Variants in CACNA2D3 observed in about 807,000 individuals in gnomAD.
The protein encoded by CACNA2D3 is calcium voltage-gated channel auxiliary subunit alpha2delta 3.
Under a neutral mutation model 160.6 loss-of-function variants are expected in CACNA2D3, and 60 were observed. That is an observed-to-expected ratio of 0.37 (90% CI 0.30 to 0.46). CACNA2D3 has a LOEUF of 0.46. Ranked by LOEUF, CACNA2D3 falls within the 20% of genes least tolerant of loss-of-function variation. The pLI is 1.00. For synonymous variants in CACNA2D3, 558 were observed against 492.9 expected (o/e 1.13, Z -1.75); for missense variants, 1,205 against 1,365.0 (o/e 0.88, Z 1.85).
intron 5 of CACNA2D3, among the ~76,000 whole-genome samples, chr3:54,541,146 G>A (rs1368360592): frequency 2.6e-5 from 4 of 151,514 alleles, no homozygotes; most frequent in South Asian, 2.1e-4. Flanking sequence ...GCGTGGTGGC[G>A]GGCGCCTGTA....
intron 5 of CACNA2D3, among the ~76,000 whole-genome samples, chr3:54,509,648 G>A (rs1320291943): frequency 6.6e-6 from 1 of 152,114 alleles, no homozygotes; most frequent in African/African-American, 2.4e-5. Context: ...TTCCCAAGAT[G>A]TAGTTTGGAT....
chr3:54,665,545 ATAC>A (rs10554350), intron 11 of CACNA2D3, among the ~76,000 whole-genome samples: 138,999 of 151,914 alleles, frequency 0.91, 63,852 homozygotes, highest in African/African-American at 0.94. Flanking sequence ...TCAGCTCCAT[ATAC>A]TACTGTGTAA....
At chr3:55,068,127 A>G (rs930635777) in intron 35 of CACNA2D3, among the ~76,000 whole-genome samples, 2 of 152,196 alleles carry the variant, frequency 1.3e-5, no homozygotes, top group African/African-American at 4.8e-5. Context: ...AACAGGGCCT[A>G]AGCAGGCAGA....
At chr3:54,296,522 G>A (rs1054953003) in intron 2 of CACNA2D3, among the ~76,000 whole-genome samples, 2 of 152,178 alleles carry the variant, frequency 1.3e-5, no homozygotes, top group African/African-American at 4.8e-5. Flanking sequence ...CATCAAAACA[G>A]CATTTAAGTG....
At chr3:54,542,130 CG>C (rs2106665772) in intron 5 of CACNA2D3, among the ~76,000 whole-genome samples, 1 of 151,926 alleles carries the variant, frequency 6.6e-6, no homozygotes, top group South Asian at 2.1e-4. Flanking sequence ...GGCGTGATCT[CG>C]GCTCGCTGCA....
chr3:54,836,722 G>A (rs1698699027), intron 14 of CACNA2D3, among the ~76,000 whole-genome samples: 1 of 152,166 alleles, frequency 6.6e-6, no homozygotes, highest in Admixed American at 6.5e-5. Flanking sequence ...TCCAGATTCT[G>A]TTGTTTTTAG....
chr3:54,492,545 A>G (rs770596442), intron 4 of CACNA2D3, among the ~76,000 whole-genome samples: 8 of 152,278 alleles, frequency 5.3e-5, no homozygotes, highest in Middle Eastern at 3.4e-3. Flanking sequence ...TGTGAAGGCA[A>G]TTTTGTGGAG....
intron 24 of CACNA2D3, 84 bp from the exon 25 acceptor site, chr3:54,891,271 A>AAACATTCTGTGAGTCTTAAAATGC: frequency 1.1e-6 from 1 of 898,908 alleles, no homozygotes. Flanking sequence ...TATTTGGTAA[A>AAACATTCTGTGAGTCTTAAAATGC]AACATTCTGT....
At chr3:54,625,978 C>T (rs964101627) in intron 9 of CACNA2D3, among the ~76,000 whole-genome samples, 4 of 152,018 alleles carry the variant, frequency 2.6e-5, no homozygotes, top group Non-Finnish European at 5.9e-5. Flanking sequence ...GGTGTTAGGG[C>T]GTGGTAAGAG....
intron 3 of CACNA2D3, among the ~76,000 whole-genome samples, chr3:54,361,211 G>A (rs369085222): frequency 1.3e-5 from 2 of 151,524 alleles, no homozygotes; most frequent in South Asian, 2.1e-4. Context: ...CAGCATACCA[G>A]ATAGGTGGTC....
chr3:54,973,603 C>T (rs894392885), intron 29 of CACNA2D3, among the ~76,000 whole-genome samples: 5 of 152,090 alleles, frequency 3.3e-5, no homozygotes, highest in African/African-American at 7.2e-5. Context: ...GACAGGGCAA[C>T]GAGAAGGGCT....
intron 2 of CACNA2D3, among the ~76,000 whole-genome samples, chr3:54,155,160 G>T (rs898583155): frequency 5.9e-5 from 9 of 152,184 alleles, no homozygotes; most frequent in African/African-American, 2.2e-4. Flanking sequence ...ATAGTGGTCA[G>T]GGTTTAGTGG....
intron 4 of CACNA2D3, among the ~76,000 whole-genome samples, chr3:54,473,679 A>G (rs1700776992): frequency 3.3e-5 from 5 of 152,222 alleles, no homozygotes; most frequent in Admixed American, 3.3e-4. Flanking sequence ...ACATAAACAA[A>G]TTTACAAGGA....
Position 54,924,731 on chromosome 3 carries a change from C to A in CACNA2D3, c.2449+24863C>A. 4 of 1,614,100 alleles carry A rather than the reference C, an allele frequency of 2.5e-6. No individual in the cohort carries two copies. The East Asian group carries it at 8.9e-5, about 36-fold the overall frequency. ...TCACACTGGGCATGGATTCCAGGAG[C>A]GCTCGATCAAGCTGCTGAAGCTGGT... On this transcript the variant is annotated intron_variant, in intron 27 of 37. Coordinates refer to ENST00000474759, the MANE Select transcript of CACNA2D3 (RefSeq NM_018398.3).
At chr3:54,794,091 G>A (rs566162911) in intron 13 of CACNA2D3, among the ~76,000 whole-genome samples, 1 of 152,118 alleles carries the variant, frequency 6.6e-6, no homozygotes, top group Admixed American at 6.5e-5. Context: ...ATATATAAGA[G>A]CAAATTTTAT....
chr3:54,276,635 T>G (rs1349082166), intron 2 of CACNA2D3, among the ~76,000 whole-genome samples: 1 of 151,426 alleles, frequency 6.6e-6, no homozygotes, highest in Non-Finnish European at 1.5e-5. Flanking sequence ...CCATGCTGAT[T>G]GTACAAGAGA....
At chr3:54,508,323 C>G (rs544098491) in intron 5 of CACNA2D3, among the ~76,000 whole-genome samples, 1 of 152,256 alleles carries the variant, frequency 6.6e-6, no homozygotes, top group South Asian at 2.1e-4. Flanking sequence ...CCCACTCACA[C>G]TGAAGAAGAG....
chr3:54,596,329 T>C (rs1282907987), intron 9 of CACNA2D3, among the ~76,000 whole-genome samples: 2 of 152,194 alleles, frequency 1.3e-5, no homozygotes, highest in African/African-American at 4.8e-5. Flanking sequence ...CTCCAGTGCA[T>C]GTGCTTCCAC....
chr3:55,057,725 T>G (rs17054733), intron 35 of CACNA2D3, among the ~76,000 whole-genome samples: 4,613 of 152,304 alleles, frequency 0.03, 239 homozygotes, highest in African/African-American at 0.1. Flanking sequence ...TCTGAACCAG[T>G]TGGCTTTCTG....
Sources: gnomAD v4.1 joint callset for allele counts (sites outside exome capture counted in the v4.1 genomes callset) on GRCh38, gnomAD v4.1.1 for gene constraint, MANE v1.5 for transcripts, NCBI Gene and HGNC (gene_info 2026-07-23, HGNC 2026-07-21) for gene names.